Variants in CCDC14 observed in about 807,000 individuals in gnomAD.
CCDC14 encodes the protein coiled-coil domain-containing protein 14.
In CCDC14, 71 loss-of-function variants were observed where a neutral mutation model predicts 81.4. That is an observed-to-expected ratio of 0.87 (90% CI 0.72 to 1.06). The LOEUF is 1.06. Among genes scored for constraint, CCDC14 ranks in the 50% least tolerant of loss-of-function variants. CCDC14 has a pLI of 0.00. For missense variants in CCDC14, 1,046 were observed against 1,047.3 expected, an observed-to-expected ratio of 1.00 and a Z score of 0.02; for synonymous variants, 332 against 364.8, an observed-to-expected ratio of 0.91 and a Z score of 1.03.
chr3:123,915,792 C>A (rs2034648982), intron 12 of CCDC14, 74 bp from the exon 13 acceptor site: 1 of 1,151,834 alleles, frequency 8.7e-7, no homozygotes. Flanking sequence ...ATACCTCCAT[C>A]TTTAAAAAAA....
chr3:123,908,959 T>TA (rs36101262), downstream of CCDC14, among the ~76,000 whole-genome samples: 2 of 152,000 alleles, frequency 1.3e-5, no homozygotes, highest in Admixed American at 6.6e-5. Flanking sequence ...TTGACTGACC[T>TA]AAAAAAAAGA....
chr3:123,891,931 G>C, the CCDC14 span, among the ~76,000 whole-genome samples: 2 of 152,202 alleles, frequency 1.3e-5, no homozygotes, highest in Admixed American at 6.5e-5. Flanking sequence ...GTTACTCATG[G>C]CTGGGGAGGC....
Position 123,915,711 on chromosome 3 carries a change from G to C in CCDC14, c.1786C>G (p.Gln596Glu). The change falls in exon 13 of 13, where the codon CAG becomes GAG. Residue 596 changes from glutamine (Q) to glutamate (E), a missense_variant. Transcript: ENST00000409697. ...TRLRELTRTLQTSMAKLLSDL... is the reference protein window; with the variant it reads ...TRLRELTRTLETSMAKLLSDL... ...GAGAGAAGCTTTGCCATGCTAGTCT[G>C]TAAAGTTCTGTTAAGAAGAATCCAG... 1 of 1,603,364 alleles carries C rather than the reference G, an allele frequency of 6.2e-7. No individual in the cohort carries two copies. Among genetic ancestry groups the C allele is most frequent in the Non-Finnish European group, 8.5e-7 (1 of 1,175,494 alleles).
downstream of CCDC14, among the ~76,000 whole-genome samples, chr3:123,912,383 C>T (rs903687986): frequency 3.3e-5 from 5 of 152,126 alleles, no homozygotes; most frequent in Admixed American, 6.6e-5. Flanking sequence ...GGACTCTCCT[C>T]GCCTTTTTAT....
chr3:123,933,567 C>T lies in CCDC14; in HGVS notation c.1426+106G>A, dbSNP rs1400352574. 19 of 724,960 alleles carry T rather than the reference C, an allele frequency of 2.6e-5. No individual in the cohort carries two copies. In the South Asian group the frequency reaches 3.0e-4, roughly 12 times the overall value. 44.9% of individuals were successfully genotyped at this position (724,960 alleles called of 1,614,324 possible). On this transcript the variant is annotated intron_variant, in intron 10 of 12. Transcript: ENST00000409697. Reference sequence around the variant, plus strand: ...CATCTTTTATTTTCTTATGTTTCTACAATATTTTAAATTTATCCCCTCAAA... The same window carrying T: ...CATCTTTTATTTTCTTATGTTTCTATAATATTTTAAATTTATCCCCTCAAA...
the CCDC14 span, among the ~76,000 whole-genome samples, chr3:123,891,243 G>T: frequency 1.2e-3 from 184 of 152,350 alleles, no homozygotes; most frequent in East Asian, 1.7e-3. Context: ...CTCTGACATG[G>T]CCTGGAGACA....
chr3:123,944,780 T>C (rs558499902), intron 9 of CCDC14, 69 bp downstream of exon 9: 25 of 1,261,564 alleles, frequency 2.0e-5, no homozygotes, highest in Non-Finnish European at 2.6e-5. Flanking sequence ...AGGTATGTCA[T>C]TTGCACCTTT....
chr3:123,887,173 C>T, the CCDC14 span, among the ~76,000 whole-genome samples: 1 of 151,930 alleles, frequency 6.6e-6, no homozygotes, highest in Non-Finnish European at 1.5e-5. Flanking sequence ...CCATCTATAC[C>T]ATAATCTTCC....
In CCDC14 at chr3:123,944,874, T is replaced by G; in HGVS notation, c.1318A>C (p.Arg440=). Residue 440 remains arginine (R), a synonymous_variant, in exon 9 of 13, where the codon AGA becomes CGA. Transcript: ENST00000409697. ...VEIALAMQPL[R]SENAQLRRQL... The stretch of plus-strand genomic sequence containing the variant: ...CTTCGTAACTGAGCATTCTCACTTC[T>G]TAATGGTTGCATGGCCAGTGCTATC... 1 of 1,611,614 alleles carries G rather than the reference T, an allele frequency of 6.2e-7. No individual in the cohort carries two copies. The highest frequency in any genetic ancestry group is 2.2e-5 in the East Asian group (1 of 44,796).
chr3:123,893,557 C>A (rs1184014513), downstream of CCDC14, among the ~76,000 whole-genome samples: 4 of 152,022 alleles, frequency 2.6e-5, no homozygotes, highest in Admixed American at 2.6e-4. Context: ...GTTTGAATGA[C>A]CATTTTCAAT....
rs554974922 is a variant in CCDC14, at chr3:123,907,705, T to TA, written c.668-10093dup. Among the ~76,000 whole-genome samples, 1,259 of 149,866 alleles carry TA rather than the reference T, an allele frequency of 8.4e-3. 13 individuals are homozygous for TA. Among genetic ancestry groups the TA allele is most frequent in the African/African-American group, 0.028 (1,123 of 40,408 alleles). On this transcript the variant is annotated intron_variant, in intron 5 of 5. Transcript: ENST00000479903. Reference sequence around the variant, plus strand: ...GGGCGACAGAGCGAGACCTCATCAATAAAAAAAATATAATAAAAAAAAAAA... The same window carrying TA: ...GGGCGACAGAGCGAGACCTCATCAATAAAAAAAAATATAATAAAAAAAAAAA...
chr3:123,942,972 A>T (rs775114694), intron 9 of CCDC14, among the ~76,000 whole-genome samples: 16 of 152,200 alleles, frequency 1.1e-4, no homozygotes, highest in Non-Finnish European at 1.9e-4. Context: ...TGGTGGGGCT[A>T]CACGAGTGCT....
intron 9 of CCDC14, among the ~76,000 whole-genome samples, chr3:123,942,937 T>G (rs2036428151): frequency 6.6e-6 from 1 of 152,022 alleles, no homozygotes; most frequent in Non-Finnish European, 1.5e-5. Context: ...TATCAAAGAA[T>G]TTTACTTTTT....
chr3:123,933,829 A>C (rs1182824083), intron 9 of CCDC14, 74 bp from the exon 10 acceptor site: 19 of 970,268 alleles, frequency 2.0e-5, no homozygotes, highest in Middle Eastern at 4.2e-4. Flanking sequence ...ATAGCCTATC[A>C]AAAAAGATAA....
chr3:123,903,702 A>C (rs983903113), intron 5 of CCDC14, among the ~76,000 whole-genome samples: 5 of 152,226 alleles, frequency 3.3e-5, no homozygotes, highest in Non-Finnish European at 7.3e-5. Flanking sequence ...GGAAAGCTAA[A>C]GACATATTTC....
chr3:123,912,871 C>T (rs2034478073), downstream of CCDC14, among the ~76,000 whole-genome samples: 1 of 152,140 alleles, frequency 6.6e-6, no homozygotes, highest in Admixed American at 6.5e-5. Flanking sequence ...ATTATTACCA[C>T]CCCCTCCCCA....
At chr3:123,919,635 G>A (rs1559767861) in intron 12 of CCDC14, among the ~76,000 whole-genome samples, 1 of 152,180 alleles carries the variant, frequency 6.6e-6, no homozygotes, top group Non-Finnish European at 1.5e-5. Flanking sequence ...ACAGTCAATA[G>A]CTCCACTGAC....
chr3:123,945,346 T>C (rs943363946), intron 8 of CCDC14, among the ~76,000 whole-genome samples: 1 of 152,212 alleles, frequency 6.6e-6, no homozygotes, highest in African/African-American at 2.4e-5. Context: ...ATGATTGCTA[T>C]AGGGTTTCCT....
At chr3:123,941,869 GA>G (rs1202252659) in intron 9 of CCDC14, among the ~76,000 whole-genome samples, 2 of 151,928 alleles carry the variant, frequency 1.3e-5, no homozygotes, top group African/African-American at 2.4e-5. Flanking sequence ...ATGTTCTAAG[GA>G]ACCGAAATAA....
Sources: gnomAD v4.1 joint callset for allele counts (sites outside exome capture counted in the v4.1 genomes callset) on GRCh38, gnomAD v4.1.1 for gene constraint, MANE v1.5 for transcripts, NCBI Gene and HGNC (gene_info 2026-07-23, HGNC 2026-07-21) for gene names.